The following TRIM38 variants were observed in gnomAD, a reference collection of about 807,000 sequenced individuals.
The protein encoded by TRIM38 is E3 ubiquitin-protein ligase TRIM38.
A neutral mutation model predicts 35.8 loss-of-function variants in TRIM38; 35 were observed. The observed-to-expected ratio is 0.98, with a 90% CI of 0.75 to 1.30. The LOEUF (loss-of-function observed/expected upper bound fraction) is 1.30, where lower values mean the gene tolerates loss of function less well. Among genes scored for constraint, TRIM38 ranks in the 50% most tolerant of loss-of-function variants. The pLI is 0.00. For missense variants in TRIM38, 545 were observed against 556.9 expected, an observed-to-expected ratio of 0.98 and a Z score of 0.21; for synonymous variants, 198 against 204.7, an observed-to-expected ratio of 0.97 and a Z score of 0.28.
Position 25,966,470 on chromosome 6 carries a change from G to T in TRIM38, c.-53G>T. On this transcript the variant is annotated 5_prime_UTR_variant, in exon 3 of 8. Transcript: ENST00000357085. The stretch of plus-strand genomic sequence containing the variant: ...TATTTTCATCACGGTGGAAAATTCT[G>T]GCTGCTTCATCTCCATCTCTAGAGC... 2 of 1,516,366 alleles carry T rather than the reference G, an allele frequency of 1.3e-6. No individual in the cohort carries two copies. Among genetic ancestry groups the T allele is most frequent in the Non-Finnish European group, 8.8e-7 (1 of 1,136,152 alleles). 93.9% of individuals were successfully genotyped at this position (1,516,366 alleles called of 1,614,324 possible).
chr6:25,987,207 C>CCG lies in TRIM38; in HGVS notation c.*3521_*3522insGC, dbSNP rs1760733607. On this transcript the variant is annotated 3_prime_UTR_variant, in exon 8 of 8. Transcript: ENST00000357085. The stretch of plus-strand genomic sequence containing the variant: ...AAAAGCTTAACAAAGGTACTCCCCG[C>CCG]CCCCCGCCCGCCACACACCATCCCC... The CCG allele has an allele frequency of 2.0e-5, 1 of 49,218 alleles. No homozygotes were observed. Among genetic ancestry groups the CCG allele is most frequent in the African/African-American group, 8.8e-5 (1 of 11,388 alleles). 3.0% of individuals were successfully genotyped at this position (49,218 alleles called of 1,614,324 possible). A position where few individuals can be genotyped will look rare whatever the true frequency, so the allele number is the denominator to read the frequency against.
In TRIM38 at chr6:25,983,677, C is replaced by A. The variant is rs143607088; in HGVS notation, c.1388C>A (p.Pro463Gln). ...YQYSPLFLPP[P>Q]GD is the part of the protein sequence containing the mutation. The stretch of plus-strand genomic sequence containing the variant: ...TATTCTCCTTTGTTTCTGCCTCCCC[C>A]AGGTGACTAAGGAAAAGAGCAGAAG... The change falls in exon 8 of 8, where the codon CCA becomes CAA. Residue 463 changes from proline (P) to glutamine (Q), a missense_variant. Coordinates refer to ENST00000357085, the MANE Select transcript of TRIM38 (RefSeq NM_006355.5). 7.1e-4 allele frequency: 1,125 copies of A among 1,582,016 alleles called. 6 individuals carry two copies. In the Middle Eastern group the frequency reaches 0.015, roughly 20 times the overall value.
chr6:25,975,550 T>C (rs1333329420), intron 7 of TRIM38: 26 of 905,360 alleles, frequency 2.9e-5, no homozygotes, highest in African/African-American at 3.6e-5. Flanking sequence ...TTTAAATGTA[T>C]GTTTATTTTA....
rs148683957 is a variant in TRIM38, at chr6:25,986,109, A to C, written c.*2422A>C. 280 of 152,352 alleles carry C rather than the reference A, an allele frequency of 1.8e-3. 1 individual carries two copies. The highest frequency in any genetic ancestry group is 6.4e-3 in the African/African-American group (267 of 41,584). 9.4% of individuals were successfully genotyped at this position (152,352 alleles called of 1,614,324 possible). ...AAGAATATATACTGGAATAATTTTGAGAGTAATTTGAAGAATTAGATGCAA... is the reference window on the plus strand; with the variant it reads ...AAGAATATATACTGGAATAATTTTGCGAGTAATTTGAAGAATTAGATGCAA... On this transcript the variant is annotated 3_prime_UTR_variant, in exon 8 of 8. Coordinates refer to ENST00000357085, the MANE Select transcript of TRIM38 (RefSeq NM_006355.5).
Position 25,969,185 on chromosome 6 carries a change from C to G in TRIM38, c.412-140C>G, listed in dbSNP as rs567334182. 70 of 627,670 alleles carry G rather than the reference C, an allele frequency of 1.1e-4. No individual in the cohort carries two copies. In the East Asian group the frequency reaches 2.0e-3, roughly 18 times the overall value. The allele number at this position is 627,670 out of a possible 1,614,324, so 38.9% of individuals were successfully genotyped here. The stretch of plus-strand genomic sequence containing the variant: ...ATGTTCCTGCACATATAGCCTTTAG[C>G]ATGCTCTCTAGCAAAAAACAATGAG... On this transcript the variant is annotated intron_variant, in intron 3 of 7. Coordinates refer to ENST00000357085, the MANE Select transcript of TRIM38 (RefSeq NM_006355.5).
chr6:25,975,332 C>T (rs11962681), intron 7 of TRIM38: 18 of 183,268 alleles, frequency 9.8e-5, no homozygotes, highest in African/African-American at 1.7e-4. Flanking sequence ...TCCCGGGTAG[C>T]GTGGGATTAC....
rs974910414 is a variant in TRIM38, at chr6:25,965,877, G to A, written c.-188-458G>A. 9.3e-5 allele frequency among the ~76,000 whole-genome samples: 14 copies of A among 150,940 alleles called. No individual in the cohort carries two copies. In the South Asian group the frequency reaches 2.1e-3, roughly 23 times the overall value. Reference sequence around the variant, plus strand: ...CGGAGGTGCAGTGAGCCGAGATAGCGTCACTGCACTCCAGCCTGGGTGACA... The same window carrying A: ...CGGAGGTGCAGTGAGCCGAGATAGCATCACTGCACTCCAGCCTGGGTGACA... On this transcript the variant is annotated intron_variant, in intron 2 of 7. Transcript: ENST00000357085.
At chr6:25,963,842 C>G (rs1212639647) in intron 2 of TRIM38, among the ~76,000 whole-genome samples, 1 of 152,154 alleles carries the variant, frequency 6.6e-6, no homozygotes, top group African/African-American at 2.4e-5. Context: ...AGGCACCCCT[C>G]TCTGCAGAAG....
rs1011290661 is a variant in TRIM38 at position 25,984,394 on chromosome 6, A to G, written c.*707A>G. ...TATTTTAAAATCTCAGTAAATAGTT[A>G]TTGCTGAAATGGCTGTTGGCAGTTC... On this transcript the variant is annotated 3_prime_UTR_variant, in exon 8 of 8. Coordinates refer to ENST00000357085, the MANE Select transcript of TRIM38 (RefSeq NM_006355.5). 6.6e-6 allele frequency: 1 copy of G among 152,366 alleles called. No individual in the cohort carries two copies. The highest frequency in any genetic ancestry group is 1.5e-5 in the Non-Finnish European group (1 of 68,044). The allele number at this position is 152,366 out of a possible 1,614,324, so 9.4% of individuals were successfully genotyped here. A position where few individuals can be genotyped will look rare whatever the true frequency, so the allele number is the denominator to read the frequency against.
At position 25,966,781 on chromosome 6, in the gene TRIM38, A is replaced by T; in HGVS notation, c.259A>T (p.Thr87Ser). 1 of 1,614,182 alleles carries T rather than the reference A, an allele frequency of 6.2e-7. No homozygotes were observed. The highest frequency in any genetic ancestry group is 8.5e-7 in the Non-Finnish European group (1 of 1,180,032). Residue 87 changes from threonine to serine, a missense_variant, in exon 3 of 8, where the codon ACG becomes TCG. Transcript: ENST00000357085. ...LGSLIEALKE[T>S]DQEMSCEEHG... ...AAGCCTCATTGAAGCCCTCAAAGAG[A>T]CGGATCAAGAAATGTCATGTGAGGA...
intron 7 of TRIM38, among the ~76,000 whole-genome samples, chr6:25,976,556 C>T (rs1024530179): frequency 6.6e-6 from 1 of 152,196 alleles, no homozygotes; most frequent in Non-Finnish European, 1.5e-5. Flanking sequence ...CAGGCATGAA[C>T]CACCATCTCC....
Position 25,969,330 on chromosome 6 carries a change from G to T in TRIM38, c.417G>T (p.Lys139Asn), listed in dbSNP as rs369687980. 1.1e-5 allele frequency: 17 copies of T among 1,612,000 alleles called. No homozygotes were observed. The highest frequency in any genetic ancestry group is 1.4e-5 in the Non-Finnish European group (16 of 1,179,092). ...VEDVCQGYKE[K>N]LQKAVTKLKQ... is the part of the protein sequence containing the mutation. Reference sequence around the variant, plus strand: ...TTATCAAATTTTTCCTTCAGGAAAAGCTCCAGAAAGCTGTGACAAAACTGA... The same window carrying T: ...TTATCAAATTTTTCCTTCAGGAAAATCTCCAGAAAGCTGTGACAAAACTGA... The change falls in exon 4 of 8, where the codon AAG (lysine) becomes AAT (asparagine). Residue 139 changes from lysine (K) to asparagine (N), a missense_variant. Transcript: ENST00000357085.
At chr6:25,965,495 C>A (rs1292090076) in intron 2 of TRIM38, among the ~76,000 whole-genome samples, 2 of 152,166 alleles carry the variant, frequency 1.3e-5, no homozygotes, top group Non-Finnish European at 2.9e-5. Flanking sequence ...GTGGCACATA[C>A]CTGTAGTCCC....
At chr6:25,978,240 A>G (rs958822654) in intron 7 of TRIM38, among the ~76,000 whole-genome samples, 6 of 151,890 alleles carry the variant, frequency 4.0e-5, no homozygotes, top group Admixed American at 3.3e-4. Flanking sequence ...ATCAATGGCA[A>G]TCCTCTCATT....
chr6:25,969,320 T>G lies in TRIM38; in HGVS notation c.412-5T>G. On this transcript the variant is annotated splice_polypyrimidine_tract_variant and splice_region_variant and intron_variant, in intron 3 of 7. Coordinates refer to ENST00000357085, the MANE Select transcript of TRIM38 (RefSeq NM_006355.5). The stretch of plus-strand genomic sequence containing the variant: ...TAGGCTTCACTTATCAAATTTTTCC[T>G]TCAGGAAAAGCTCCAGAAAGCTGTG... 1.2e-6 allele frequency: 2 copies of G among 1,611,380 alleles called. No individual in the cohort carries two copies. The highest frequency in any genetic ancestry group is 1.7e-6 in the Non-Finnish European group (2 of 1,178,824).
Position 25,966,455 on chromosome 6 carries a change from A to G in TRIM38, c.-68A>G. ...GGTGCAGGTGAGGTGTATTTTCATC[A>G]CGGTGGAAAATTCTGGCTGCTTCAT... On this transcript the variant is annotated 5_prime_UTR_variant, in exon 3 of 8. Transcript: ENST00000357085. The G allele has an allele frequency of 6.7e-7, 1 of 1,484,438 alleles. No homozygotes were observed. Among genetic ancestry groups the G allele is most frequent in the Non-Finnish European group, 9.0e-7 (1 of 1,115,690 alleles). The allele number at this position is 1,484,438 out of a possible 1,614,324, so 92.0% of individuals were successfully genotyped here.
intron 3 of TRIM38, among the ~76,000 whole-genome samples, chr6:25,967,209 G>T (rs931754845): frequency 6.6e-6 from 1 of 152,022 alleles, no homozygotes; most frequent in Admixed American, 6.5e-5. Context: ...CCAAACACCC[G>T]CATTTTTTCT....
At chr6:25,971,822 G>A (rs1760240254) in intron 4 of TRIM38, 47 bp from the exon 5 acceptor site, 1 of 1,497,720 alleles carries the variant, frequency 6.7e-7, no homozygotes, top group African/African-American at 1.4e-5. Context: ...TCCATAGATG[G>A]ACATTTGGTT....
At chr6:25,968,501 GAA>G (rs1345665242) in intron 3 of TRIM38, among the ~76,000 whole-genome samples, 1 of 152,140 alleles carries the variant, frequency 6.6e-6, no homozygotes, top group African/African-American at 2.4e-5. Flanking sequence ...TTAAAATATA[GAA>G]TGCATAGAAT....
Sources: allele counts gnomAD v4.1 joint callset (sites outside exome capture counted in the v4.1 genomes callset), GRCh38; gene constraint gnomAD v4.1.1; transcripts MANE v1.5; gene names NCBI Gene and HGNC (gene_info 2026-07-23, HGNC 2026-07-21).